Variants in CORO2B observed in about 807,000 individuals in gnomAD.
CORO2B encodes coronin 2B, also known as coronin-2B.
In CORO2B, 26 loss-of-function variants were observed where a neutral mutation model predicts 58.8. The ratio of observed to expected loss-of-function variants is 0.44; its 90% CI spans 0.32 to 0.61. The LOEUF is 0.61. Among genes scored for constraint, CORO2B ranks in the 20% least tolerant of loss-of-function variants. The pLI is 0.04. For missense variants in CORO2B, 460 were observed against 645.1 expected (o/e 0.71, Z 3.11); for synonymous variants, 242 against 253.8 (o/e 0.95, Z 0.44).
Position 68,701,243 on chromosome 15 carries a change from G to C in CORO2B, c.333+5987G>C, listed in dbSNP as rs1008055182. ...AGCAGCCAGGCTCAGGAGTCCCTTAGGCCTAGGTTCAAATCCTGGCTCTGC... is the reference window on the plus strand; with the variant it reads ...AGCAGCCAGGCTCAGGAGTCCCTTACGCCTAGGTTCAAATCCTGGCTCTGC... On this transcript the variant is annotated intron_variant, in intron 3 of 11. Transcript: ENST00000261861. Among the ~76,000 whole-genome samples the C allele has an allele frequency of 4.6e-5, 7 of 152,100 alleles. No homozygotes were observed. The East Asian group carries it at 1.2e-3, about 25-fold the overall frequency.
chr15:68,631,138 C>T (rs936390712), intron 1 of CORO2B, among the ~76,000 whole-genome samples: 1 of 152,166 alleles, frequency 6.6e-6, no homozygotes, highest in African/African-American at 2.4e-5. Context: ...TCTCCAGGAG[C>T]TTGTCCCAGT....
chr15:68,596,373 G>A (rs1047503630), intron 1 of CORO2B, among the ~76,000 whole-genome samples: 1 of 119,098 alleles, frequency 8.4e-6, no homozygotes, highest in African/African-American at 3.1e-5. Context: ...GGGGGTGGGG[G>A]TTGTGAGAAG....
chr15:68,541,263 C>G, the CORO2B span, among the ~76,000 whole-genome samples: 2 of 151,620 alleles, frequency 1.3e-5, no homozygotes, highest in Non-Finnish European at 2.9e-5. Flanking sequence ...AATCATTGAT[C>G]TATTTAACAT....
chr15:68,586,224 G>A (rs1566978160), intron 1 of CORO2B, among the ~76,000 whole-genome samples: 1 of 152,198 alleles, frequency 6.6e-6, no homozygotes, highest in South Asian at 2.1e-4. Context: ...GCCGATCCAT[G>A]TGAAGCACTT....
intron 2 of CORO2B, among the ~76,000 whole-genome samples, chr15:68,693,241 C>T (rs566640838): frequency 1.3e-5 from 2 of 152,250 alleles, no homozygotes; most frequent in East Asian, 1.9e-4. Flanking sequence ...AAAGATCAAA[C>T]GATCTGGAAA....
intron 1 of CORO2B, chr15:68,632,001 A>T: frequency 1.0e-6 from 1 of 985,370 alleles, no homozygotes; most frequent in Non-Finnish European, 1.2e-6. Context: ...GATTCTGTTG[A>T]CCTTTAGTAA....
In CORO2B at chr15:68,715,445, CT is replaced by C. The variant is rs529446979; in HGVS notation, c.967+135del. ...GCACATGGGCAAGTTGGAACAGAACCTGCAAGAGCTGGCCCTGCTGCAGCTG... is the reference window on the plus strand; with the variant it reads ...GCACATGGGCAAGTTGGAACAGAACCGCAAGAGCTGGCCCTGCTGCAGCTG... On this transcript the variant is annotated intron_variant, in intron 8 of 11. Transcript: ENST00000261861. The C allele has an allele frequency of 1.8e-4, 113 of 638,656 alleles. 1 individual carries two copies. The East Asian group carries it at 3.0e-3, about 17-fold the overall frequency. The allele number at this position is 638,656 out of a possible 1,614,324, so 39.6% of individuals were successfully genotyped here.
chr15:68,664,369 G>A (rs967128052), intron 2 of CORO2B, among the ~76,000 whole-genome samples: 6 of 152,234 alleles, frequency 3.9e-5, no homozygotes, highest in Non-Finnish European at 7.4e-5. Flanking sequence ...AGTTATTGGC[G>A]GGGCATGGTG....
chr15:68,538,605 C>T, the CORO2B span, among the ~76,000 whole-genome samples: 7 of 152,240 alleles, frequency 4.6e-5, no homozygotes, highest in South Asian at 1.5e-3. Context: ...CTGATTTGGC[C>T]CCATTTTGGT....
At chr15:68,569,762 T>C in the CORO2B span, among the ~76,000 whole-genome samples, 50 of 152,352 alleles carry the variant, frequency 3.3e-4, no homozygotes, top group African/African-American at 1.0e-3. Context: ...CAACAATGAA[T>C]GAGAGTTCCT....
the CORO2B span, among the ~76,000 whole-genome samples, chr15:68,568,592 A>T: frequency 6.6e-6 from 1 of 152,150 alleles, no homozygotes; most frequent in South Asian, 2.1e-4. Flanking sequence ...ACATAATAGT[A>T]CCAATCCCTT....
the CORO2B span, among the ~76,000 whole-genome samples, chr15:68,527,784 T>C: frequency 6.6e-6 from 1 of 152,190 alleles, no homozygotes; most frequent in African/African-American, 2.4e-5. Context: ...GCTCTCCCTT[T>C]ATTTAGTTCT....
chr15:68,714,674 G>C lies in CORO2B; in HGVS notation c.870+11G>C. On this transcript the variant is annotated intron_variant, in intron 7 of 11. Transcript: ENST00000261861. ...TACCTGGCTGGAAAGGTAGTAGGAGGTGGGGGAGGGCCCGGGGCAGCCTGT... is the reference window on the plus strand; with the variant it reads ...TACCTGGCTGGAAAGGTAGTAGGAGCTGGGGGAGGGCCCGGGGCAGCCTGT... 6.2e-7 allele frequency: 1 copy of C among 1,606,818 alleles called. No homozygotes were observed.
the CORO2B span, among the ~76,000 whole-genome samples, chr15:68,532,332 A>C: frequency 6.6e-6 from 1 of 151,794 alleles, no homozygotes; most frequent in Non-Finnish European, 1.5e-5. Context: ...GGCTATGCTT[A>C]TTTATTGTTT....
chr15:68,722,849 C>T lies in CORO2B; in HGVS notation c.1312-2994C>T, dbSNP rs183519070. On this transcript the variant is annotated intron_variant, in intron 11 of 11. Coordinates refer to ENST00000261861, the MANE Select transcript of CORO2B (RefSeq NM_006091.5). ...TTGGGAGGCTGAGGCGGGAGGATTG[C>T]CTGAGGTTAAGAGTTCAAGACCAGC... Among the ~76,000 whole-genome samples the T allele has an allele frequency of 3.8e-3, 573 of 152,232 alleles. 5 individuals are homozygous for T. Among genetic ancestry groups the T allele is most frequent in the Middle Eastern group, 0.031 (9 of 294 alleles).
At chr15:68,559,805 G>C in the CORO2B span, among the ~76,000 whole-genome samples, 5 of 152,192 alleles carry the variant, frequency 3.3e-5, no homozygotes, top group Admixed American at 6.5e-5. This position sits in a 1 kb window ranked among gnomAD's most constrained non-coding sequence, Gnocchi z 4.3. Flanking sequence ...ATCCTTCCTC[G>C]GAGCTGCGGC....
At chr15:68,669,090 A>AAGAAG (rs1902297576) in intron 2 of CORO2B, among the ~76,000 whole-genome samples, 2 of 151,128 alleles carry the variant, frequency 1.3e-5, no homozygotes, top group Admixed American at 6.7e-5. Flanking sequence ...AGAGAGAGAA[A>AAGAAG]GAAGGAAGGA....
chr15:68,708,446 C>T (rs560670922), intron 3 of CORO2B, among the ~76,000 whole-genome samples: 239 of 150,500 alleles, frequency 1.6e-3, no homozygotes, highest in Non-Finnish European at 2.8e-3. Flanking sequence ...CTGCAAGCTC[C>T]GCCTCCCAGG....
At chr15:68,637,997 CAG>C (rs1901087163) in intron 1 of CORO2B, among the ~76,000 whole-genome samples, 1 of 152,172 alleles carries the variant, frequency 6.6e-6, no homozygotes, top group African/African-American at 2.4e-5. Context: ...GTGATTATCT[CAG>C]AGGGGAGAAA....
Sources: gnomAD v4.1 joint callset for allele counts (sites outside exome capture counted in the v4.1 genomes callset) on GRCh38, gnomAD v4.1.1 for gene constraint, Gnocchi (gnomAD v3.1) non-coding constraint, MANE v1.5 for transcripts, NCBI Gene and HGNC (gene_info 2026-07-23, HGNC 2026-07-21) for gene names.